CDKAL1: variants seen among roughly 807,000 people sequenced by gnomAD.
The protein encoded by CDKAL1 is threonylcarbamoyladenosine tRNA methylthiotransferase.
Under a neutral mutation model 68.2 loss-of-function variants are expected in CDKAL1, and 32 were observed. The observed-to-expected ratio is 0.47, with a 90% confidence interval of 0.35 to 0.63. The LOEUF (loss-of-function observed/expected upper bound fraction) is 0.63. Ranked by LOEUF, CDKAL1 falls within the 30% of genes least tolerant of loss-of-function variation. CDKAL1 has a pLI of 0.00. For synonymous variants in CDKAL1, 234 were observed against 244.3 expected, an observed-to-expected ratio of 0.96 and a Z score of 0.39; for missense variants, 606 against 696.7, an observed-to-expected ratio of 0.87 and a Z score of 1.47.
At chr6:20,836,071 C>T (rs1777926999) in intron 8 of CDKAL1, among the ~76,000 whole-genome samples, 1 of 152,094 alleles carries the variant, frequency 6.6e-6, no homozygotes, top group Admixed American at 6.6e-5. Flanking sequence ...TTTTTACTCC[C>T]TCCTATGTAG....
At chr6:21,081,101 C>G (rs1772372612) in intron 12 of CDKAL1, among the ~76,000 whole-genome samples, 1 of 152,108 alleles carries the variant, frequency 6.6e-6, no homozygotes, top group African/African-American at 2.4e-5. Flanking sequence ...TAAAAAAATG[C>G]CTGTCAAAGA....
intron 9 of CDKAL1, among the ~76,000 whole-genome samples, chr6:20,900,040 T>G (rs1029313243): frequency 2.6e-5 from 4 of 152,202 alleles, no homozygotes; most frequent in African/African-American, 9.7e-5. Context: ...GCTAGCACCC[T>G]CTGTTCTTAC....
chr6:20,609,601 GT>G (rs1254736028), intron 4 of CDKAL1, among the ~76,000 whole-genome samples: 11 of 151,766 alleles, frequency 7.2e-5, no homozygotes, highest in African/African-American at 2.7e-4. Context: ...TCACCATGTT[GT>G]TCAGGCTGGT....
chr6:20,631,579 A>C (rs35958155), intron 4 of CDKAL1, among the ~76,000 whole-genome samples: 4,761 of 152,260 alleles, frequency 0.031, 113 homozygotes, highest in Middle Eastern at 0.082. Context: ...CCCCATAATT[A>C]ATGGTGTATT....
intron 6 of CDKAL1, among the ~76,000 whole-genome samples, chr6:20,754,783 A>C (rs1774097685): frequency 6.6e-6 from 1 of 152,108 alleles, no homozygotes; most frequent in South Asian, 2.1e-4. Context: ...TGAAGTACCA[A>C]ATGGTTTGAA....
intron 10 of CDKAL1, among the ~76,000 whole-genome samples, chr6:20,998,570 C>CA (rs1165638831): frequency 6.6e-6 from 1 of 150,838 alleles, no homozygotes; most frequent in Non-Finnish European, 1.5e-5. Context: ...GAGATCGCGC[C>CA]AGTGCACTCC....
intron 4 of CDKAL1, among the ~76,000 whole-genome samples, chr6:20,637,517 T>C (rs1767961894): frequency 6.6e-6 from 1 of 151,666 alleles, no homozygotes; most frequent in East Asian, 2.0e-4. Flanking sequence ...GAGCCAAGAC[T>C]GTGCCACTGC....
At chr6:21,041,318 T>C (rs1300561473) in intron 11 of CDKAL1, among the ~76,000 whole-genome samples, 1 of 152,208 alleles carries the variant, frequency 6.6e-6, no homozygotes, top group South Asian at 2.1e-4. Context: ...ATATTTGAAA[T>C]AATATAATTG....
At chr6:20,819,051 G>A (rs940375814) in intron 8 of CDKAL1, among the ~76,000 whole-genome samples, 1 of 152,000 alleles carries the variant, frequency 6.6e-6, no homozygotes, top group African/African-American at 2.4e-5. Context: ...GTTTCACAAG[G>A]TACTCACTTG....
intron 8 of CDKAL1, among the ~76,000 whole-genome samples, chr6:20,786,788 C>T (rs116270693): frequency 0.011 from 1,623 of 152,224 alleles, 23 homozygotes; most frequent in African/African-American, 0.036. Context: ...AGCCACCGCT[C>T]CCGGCCTTGA....
At chr6:20,807,245 C>A (rs539132579) in intron 8 of CDKAL1, among the ~76,000 whole-genome samples, 1 of 149,890 alleles carries the variant, frequency 6.7e-6, no homozygotes, top group Non-Finnish European at 1.5e-5. Flanking sequence ...TTTTTTGAGA[C>A]GGAGTCTCGC....
intron 13 of CDKAL1, among the ~76,000 whole-genome samples, chr6:21,133,421 G>A (rs116787267): frequency 0.011 from 1,745 of 152,252 alleles, 43 homozygotes; most frequent in African/African-American, 0.039. Context: ...TTTTGATCCA[G>A]CCAAGCCTGA....
In CDKAL1 at chr6:20,679,045, C is replaced by T. The variant is rs998937994; in HGVS notation, c.371+29668C>T. Among the ~76,000 whole-genome samples, 8 of 152,150 alleles carry T rather than the reference C, an allele frequency of 5.3e-5. No homozygotes were observed. The South Asian group carries it at 8.3e-4, about 16-fold the overall frequency. ...TCAGCCTCCCTAGTATCTATGACTA[C>T]GGGAGTGTGTCACCACACATGGCTA... is the stretch of plus-strand genomic sequence containing the variant. On this transcript the variant is annotated intron_variant, in intron 5 of 15. Transcript: ENST00000274695.
At chr6:20,650,932 T>C (rs1768734144) in intron 5 of CDKAL1, among the ~76,000 whole-genome samples, 1 of 152,192 alleles carries the variant, frequency 6.6e-6, no homozygotes, top group Non-Finnish European at 1.5e-5. Flanking sequence ...TTTACACCAG[T>C]CCTATGAAGT....
intron 4 of CDKAL1, among the ~76,000 whole-genome samples, chr6:20,594,870 G>A (rs944235798): frequency 1.1e-4 from 17 of 151,862 alleles, no homozygotes. Context: ...AGTAAGGCAG[G>A]CCTGGAATCT....
At chr6:21,002,827 A>G (rs1767501044) in intron 11 of CDKAL1, among the ~76,000 whole-genome samples, 1 of 151,686 alleles carries the variant, frequency 6.6e-6, no homozygotes, top group Non-Finnish European at 1.5e-5. Flanking sequence ...GTCTGTATCA[A>G]AAATACAAAA....
chr6:20,993,243 A>G (rs888632196), intron 10 of CDKAL1, among the ~76,000 whole-genome samples: 1 of 152,200 alleles, frequency 6.6e-6, no homozygotes, highest in African/African-American at 2.4e-5. Context: ...GAATGGATAA[A>G]TTGTATATGA....
At position 20,717,673 on chromosome 6, in the gene CDKAL1, A is replaced by G. The variant is rs1772161079; in HGVS notation, c.372-21846A>G. On this transcript the variant is annotated intron_variant, in intron 5 of 15. Coordinates refer to ENST00000274695, the MANE Select transcript of CDKAL1 (RefSeq NM_017774.3). Reference sequence around the variant, plus strand: ...ATACTACTTTATAAATGTATTCTTCACTTAGCTGTTGCTTTTTGGTTGTTA... The same window carrying G: ...ATACTACTTTATAAATGTATTCTTCGCTTAGCTGTTGCTTTTTGGTTGTTA... Among the ~76,000 whole-genome samples the G allele has an allele frequency of 2.6e-5, 4 of 152,160 alleles. No individual in the cohort carries two copies. The South Asian group carries it at 8.3e-4, about 32-fold the overall frequency.
intron 9 of CDKAL1, among the ~76,000 whole-genome samples, chr6:20,889,056 C>T (rs367664280): frequency 3.4e-4 from 51 of 152,214 alleles, no homozygotes; most frequent in Non-Finnish European, 5.9e-4. Flanking sequence ...TTTTAATGAT[C>T]GCCATTCTAA....
Sources: allele counts gnomAD v4.1 joint callset (sites outside exome capture counted in the v4.1 genomes callset), GRCh38; gene constraint gnomAD v4.1.1; transcripts MANE v1.5; gene names NCBI Gene and HGNC (gene_info 2026-07-23, HGNC 2026-07-21).